The following MYOM2 variants were observed in gnomAD, a reference collection of about 807,000 sequenced individuals.
MYOM2 encodes myomesin 2.
In MYOM2, 254 loss-of-function variants were observed where a neutral mutation model predicts 187.6. That is an observed-to-expected ratio of 1.35 (90% CI 1.22 to 1.50). MYOM2 has a LOEUF of 1.50. Among genes scored for constraint, MYOM2 ranks in the 40% most tolerant of loss-of-function variants. The pLI is 0.00. For synonymous variants in MYOM2, 981 were observed against 753.8 expected (o/e 1.30, Z -4.94); for missense variants, 2,796 against 1,924.0 (o/e 1.45, Z -8.48).
At chr8:2,131,709 T>G (rs1479357367) in intron 32 of MYOM2, among the ~76,000 whole-genome samples, 1 of 149,968 alleles carries the variant, frequency 6.7e-6, no homozygotes, top group Non-Finnish European at 1.5e-5. Flanking sequence ...AGTGGTGCGA[T>G]CTCGGCTCAC....
At chr8:2,129,712 C>T (rs4535761) in intron 32 of MYOM2, among the ~76,000 whole-genome samples, 29,474 of 152,106 alleles carry the variant, frequency 0.19, 2,938 homozygotes, top group Middle Eastern at 0.26. Flanking sequence ...TCATGCTTCT[C>T]TGGGTCGGTA....
At chr8:2,117,790 T>G in intron 27 of MYOM2, 95 bp from the exon 28 acceptor site, 1 of 735,448 alleles carries the variant, frequency 1.4e-6, no homozygotes. Flanking sequence ...ATACACACCA[T>G]GCATATATGT....
chr8:2,093,637 A>C (rs1796381897), intron 16 of MYOM2, among the ~76,000 whole-genome samples: 1 of 152,236 alleles, frequency 6.6e-6, no homozygotes, highest in South Asian at 2.1e-4. Flanking sequence ...ACTGCTAATT[A>C]AGTTTTACAT....
At chr8:2,125,764 C>T (rs1797614614) in intron 31 of MYOM2, among the ~76,000 whole-genome samples, 1 of 151,706 alleles carries the variant, frequency 6.6e-6, no homozygotes, top group South Asian at 2.1e-4. Context: ...CGCATCACCA[C>T]ACCCAGCTAA....
At chr8:2,125,604 C>CTTTTTTTTT (rs35137852) in intron 31 of MYOM2, among the ~76,000 whole-genome samples, 2 of 89,302 alleles carry the variant, frequency 2.2e-5, no homozygotes, top group Non-Finnish European at 4.1e-5. Context: ...ATTATTTTTC[C>CTTTTTTTTT]TTTTTTTTTT....
Position 2,106,510 on chromosome 8 carries a change from A to C in MYOM2, c.2911A>C (p.Asn971His), listed in dbSNP as rs373388952. The change falls in exon 23 of 37, where the codon AAT (asparagine) becomes CAT (histidine). Residue 971 changes from asparagine (N) to histidine (H), a missense_variant. By Grantham distance (68) the Asn-to-His change is moderately conservative. Transcript: ENST00000262113. ...TTTTAGCTCCAAGCTGTACTTAAAG[A>C]ATCCGGATAAGGAGGATTTAGGGAC... Reference protein sequence around the residue: ...VGDHSKLYLKNPDKEDLGTYS... With the variant: ...VGDHSKLYLKHPDKEDLGTYS... 7 of 1,612,358 alleles carry C rather than the reference A, an allele frequency of 4.3e-6. No homozygotes were observed. Among genetic ancestry groups the C allele is most frequent in the African/African-American group, 1.3e-5 (1 of 74,910 alleles).
chr8:2,110,019 T>C (rs1563062285), intron 25 of MYOM2, among the ~76,000 whole-genome samples: 2 of 152,198 alleles, frequency 1.3e-5, no homozygotes, highest in African/African-American at 4.8e-5. Context: ...TGTGACAGTG[T>C]GGCTGTCAAG....
intron 18 of MYOM2, among the ~76,000 whole-genome samples, chr8:2,096,781 G>T (rs80133095): frequency 6.2e-4 from 95 of 152,230 alleles, no homozygotes; most frequent in African/African-American, 2.1e-3. Context: ...GTGTGCCTGA[G>T]GGGAGGGTCA....
At chr8:2,121,293 T>C (rs933674423) in intron 28 of MYOM2, among the ~76,000 whole-genome samples, 1 of 152,162 alleles carries the variant, frequency 6.6e-6, no homozygotes, top group Non-Finnish European at 1.5e-5. Context: ...TTGTTGTTGT[T>C]GGTATTGTTG....
At chr8:2,108,949 C>A in intron 24 of MYOM2, 119 bp downstream of exon 24, 1 of 979,768 alleles carries the variant, frequency 1.0e-6, no homozygotes, top group Non-Finnish European at 1.6e-6. Flanking sequence ...ATTTCCTGAT[C>A]CCAGCTTACA....
chr8:2,073,361 G>A lies in MYOM2; in HGVS notation c.981G>A (p.Lys327=). ...CAGACGTGCTGTTGAAAGAGTCCAA[G>A]TGGACGAAGATGTTCTTTGGAGAAG... is the stretch of plus-strand genomic sequence containing the variant. ...YRDDVLLKES[K]WTKMFFGEGQ... is the part of the protein sequence containing the mutation. The change falls in exon 10 of 37, where the codon AAG becomes AAA. Residue 327 remains lysine, a synonymous_variant. Coordinates refer to ENST00000262113, the MANE Select transcript of MYOM2 (RefSeq NM_003970.4). The A allele has an allele frequency of 6.2e-7, 1 of 1,611,752 alleles. No individual in the cohort carries two copies. The highest frequency in any genetic ancestry group is 8.5e-7 in the Non-Finnish European group (1 of 1,178,708).
Position 2,078,768 on chromosome 8 carries a change from A to G in MYOM2, c.1297A>G (p.Asn433Asp). 6.2e-7 allele frequency: 1 copy of G among 1,614,170 alleles called. No homozygotes were observed. ...EVGTNNWVQCNDAPVKICKYP... is the reference protein window; with the variant it reads ...EVGTNNWVQCDDAPVKICKYP... Reference sequence around the variant, plus strand: ...AGGAACGAATAATTGGGTGCAGTGCAATGATGCACCGGTGAAAATCTGCAA... The same window carrying G: ...AGGAACGAATAATTGGGTGCAGTGCGATGATGCACCGGTGAAAATCTGCAA... The change falls in exon 12 of 37, where the codon AAT becomes GAT. Residue 433 changes from asparagine (N) to aspartate (D), a missense_variant. Coordinates refer to ENST00000262113, the MANE Select transcript of MYOM2 (RefSeq NM_003970.4).
chr8:2,131,329 CAT>C (rs1211874244), intron 32 of MYOM2, among the ~76,000 whole-genome samples: 2 of 152,204 alleles, frequency 1.3e-5, no homozygotes, highest in East Asian at 3.9e-4. Flanking sequence ...GGGAGAGAAA[CAT>C]GTCATTTTGT....
intron 35 of MYOM2, 98 bp from the exon 36 acceptor site, chr8:2,143,303 A>C (rs2280905): frequency 0.14 from 193,094 of 1,354,778 alleles, 14,896 homozygotes; most frequent in East Asian, 0.23. Flanking sequence ...TAAACTCCTC[A>C]CCACATTCAC....
intron 6 of MYOM2, among the ~76,000 whole-genome samples, chr8:2,060,938 G>C (rs1437327654): frequency 6.6e-6 from 1 of 152,068 alleles, no homozygotes. Flanking sequence ...AGGGTAGGGC[G>C]GATGGGAAAT....
In MYOM2 at chr8:2,073,480, G is replaced by A; in HGVS notation, c.1100G>A (p.Ser367Asn). The change falls in exon 10 of 37, where the codon AGC becomes AAC. Residue 367 changes from serine to asparagine, a missense_variant. Ser to Asn is a conservative substitution (Grantham distance 46). Transcript: ENST00000262113. ...IVSRGGVSDH[S>N]AFLFVRDADP... ...TCTCGGGGCGGCGTCAGCGACCACA[G>A]CGCCTTCCTGTTTGTCAGAGGTGCG... The A allele has an allele frequency of 6.2e-7, 1 of 1,605,956 alleles. No individual in the cohort carries two copies. The highest frequency in any genetic ancestry group is 8.5e-7 in the Non-Finnish European group (1 of 1,178,806).
intron 6 of MYOM2, 102 bp from the exon 7 acceptor site, chr8:2,069,176 C>A: frequency 8.9e-7 from 1 of 1,122,428 alleles, no homozygotes; most frequent in East Asian, 2.5e-5. Flanking sequence ...ACAAATAAAC[C>A]ACGCCATGTG....
chr8:2,102,536 T>C (rs1796743483), intron 20 of MYOM2, 131 bp from the exon 21 acceptor site: 1 of 584,872 alleles, frequency 1.7e-6, no homozygotes, highest in Non-Finnish European at 3.0e-6. Context: ...TTCTAACTCA[T>C]TAAGTATCAT....
intron 10 of MYOM2, among the ~76,000 whole-genome samples, chr8:2,075,312 T>G (rs1351325950): frequency 2.0e-5 from 3 of 152,202 alleles, no homozygotes; most frequent in South Asian, 2.1e-4. Context: ...AGGCAATAAA[T>G]GCAACACGGC....
Sources: allele counts gnomAD v4.1 joint callset (sites outside exome capture counted in the v4.1 genomes callset), GRCh38; gene constraint gnomAD v4.1.1; transcripts MANE v1.5; gene names NCBI Gene and HGNC (gene_info 2026-07-23, HGNC 2026-07-21).